HMCN1: variants seen among roughly 807,000 people sequenced by gnomAD.
The protein encoded by HMCN1 is hemicentin-1.
In HMCN1, 321 loss-of-function variants were observed where a neutral mutation model predicts 625.9. The observed-to-expected ratio is 0.51, with a 90% CI of 0.47 to 0.56. The LOEUF (loss-of-function observed/expected upper bound fraction) is 0.56. HMCN1 is among the 20% of genes least tolerant of loss of function. HMCN1 has a pLI of 0.00. For missense variants in HMCN1, 6,588 were observed against 6,887.3 expected (o/e 0.96, Z 1.54); for synonymous variants, 2,425 against 2,417.6 (o/e 1.00, Z -0.09).
intron 1 of HMCN1, among the ~76,000 whole-genome samples, chr1:185,765,752 G>A (rs902853979): frequency 2.0e-5 from 3 of 152,200 alleles, no homozygotes; most frequent in African/African-American, 7.2e-5. Context: ...AGCAGCATCA[G>A]CATTAACTGG....
intron 1 of HMCN1, among the ~76,000 whole-genome samples, chr1:185,799,311 G>T (rs1291777941): frequency 6.6e-6 from 1 of 152,208 alleles, no homozygotes; most frequent in Non-Finnish European, 1.5e-5. Flanking sequence ...TTTGTATGGA[G>T]TTGTGCAGGT....
intron 1 of HMCN1, among the ~76,000 whole-genome samples, chr1:185,801,008 GT>G (rs1242183582): frequency 2.0e-5 from 3 of 152,146 alleles, no homozygotes; most frequent in Non-Finnish European, 4.4e-5. Context: ...AAGATGAGAT[GT>G]TTTGGATACA....
chr1:185,746,919 T>C (rs1028762493), intron 1 of HMCN1, among the ~76,000 whole-genome samples: 2 of 152,052 alleles, frequency 1.3e-5, no homozygotes, highest in African/African-American at 4.8e-5. Context: ...ATTTTCCTTT[T>C]TCGTGAGGAC....
chr1:186,097,791 G>C (rs1434795711), intron 68 of HMCN1, among the ~76,000 whole-genome samples: 1 of 152,012 alleles, frequency 6.6e-6, no homozygotes, highest in Non-Finnish European at 1.5e-5. Flanking sequence ...CAGACTACCT[G>C]ACTTAAAAAT....
chr1:186,123,105 C>A lies in HMCN1; in HGVS notation c.12384C>A (p.Leu4128=). 1 of 1,614,112 alleles carries A rather than the reference C, an allele frequency of 6.2e-7. No individual in the cohort carries two copies. Among genetic ancestry groups the A allele is most frequent in the Non-Finnish European group, 8.5e-7 (1 of 1,179,998 alleles). The change falls in exon 81 of 107, where the codon CTC becomes CTA. Residue 4128 remains leucine (L), a synonymous_variant. Transcript: ENST00000271588. ...TGGAATCTATCCGCCAGCGCGTCCTCAGCTCTGGCTCTCTGCAAATAGCAT... is the reference window on the plus strand; with the variant it reads ...TGGAATCTATCCGCCAGCGCGTCCTAAGCTCTGGCTCTCTGCAAATAGCAT... ...AIVESIRQRV[L]SSGSLQIAFV...
At chr1:186,082,509 G>A (rs1366878820) in intron 56 of HMCN1, among the ~76,000 whole-genome samples, 3 of 152,258 alleles carry the variant, frequency 2.0e-5, no homozygotes, top group Non-Finnish European at 4.4e-5. Context: ...CTTCCGTCAC[G>A]CTCTGTTGAC....
At chr1:185,926,569 G>A (rs1571569162) in intron 9 of HMCN1, among the ~76,000 whole-genome samples, 1 of 152,128 alleles carries the variant, frequency 6.6e-6, no homozygotes, top group African/African-American at 2.4e-5. Context: ...ACAGTTCCTG[G>A]GAGGTAAGCC....
chr1:185,963,621 AAAT>A (rs1571626844), intron 12 of HMCN1, 144 bp from the exon 13 acceptor site: 1 of 629,878 alleles, frequency 1.6e-6, no homozygotes, highest in African/African-American at 1.8e-5. Context: ...TCTGCTTATA[AAAT>A]AATGATGGTA....
At chr1:185,741,051 T>TGGATTTTGTCTCTTGCTTCCTC (rs1653963986) in intron 1 of HMCN1, among the ~76,000 whole-genome samples, 1 of 152,046 alleles carries the variant, frequency 6.6e-6, no homozygotes, top group Non-Finnish European at 1.5e-5. Flanking sequence ...CTGGCTTCCT[T>TGGATTTTGTCTCTTGCTTCCTC]GGTTTTTGTC....
At chr1:186,058,538 T>C (rs1458115716) in intron 46 of HMCN1, among the ~76,000 whole-genome samples, 1 of 151,952 alleles carries the variant, frequency 6.6e-6, no homozygotes, top group Non-Finnish European at 1.5e-5. Context: ...TCTTGTGGTG[T>C]ATTTGGTATC....
intron 36 of HMCN1, among the ~76,000 whole-genome samples, chr1:186,026,890 C>T (rs1655092892): frequency 6.6e-6 from 1 of 152,134 alleles, no homozygotes; most frequent in African/African-American, 2.4e-5. Flanking sequence ...CGACCTCGGC[C>T]TCCCAAAGTG....
intron 72 of HMCN1, among the ~76,000 whole-genome samples, chr1:186,113,227 T>C (rs1027442305): frequency 1.2e-4 from 18 of 152,212 alleles, no homozygotes; most frequent in African/African-American, 4.3e-4. Flanking sequence ...ATCAGAACCA[T>C]TGAGGAAGTC....
intron 4 of HMCN1, among the ~76,000 whole-genome samples, chr1:185,879,471 T>C (rs1409804581): frequency 6.6e-6 from 1 of 152,172 alleles, no homozygotes; most frequent in Non-Finnish European, 1.5e-5. Context: ...CTTGCCTGAC[T>C]CATGTGATCT....
intron 11 of HMCN1, among the ~76,000 whole-genome samples, chr1:185,940,036 G>A (rs1437739673): frequency 2.0e-5 from 3 of 152,118 alleles, no homozygotes; most frequent in African/African-American, 7.2e-5. Flanking sequence ...AGGTTTATTT[G>A]TAGGCAGCTC....
chr1:185,734,801 C>CA lies in HMCN1; in HGVS notation c.23dup (p.His8GlnfsTer26). ...GAAAATGATTTCCTGGGAAGTTGTC[C>CA]ATACAGTATTCCTGTTTGCTCTTCT... On this transcript the variant is annotated frameshift_variant, in exon 1 of 107. Coordinates refer to ENST00000271588, the MANE Select transcript of HMCN1 (RefSeq NM_031935.3). LOFTEE classifies it high-confidence loss of function. 1 of 1,614,098 alleles carries CA rather than the reference C, an allele frequency of 6.2e-7. No homozygotes were observed. Among genetic ancestry groups the CA allele is most frequent in the Non-Finnish European group, 8.5e-7 (1 of 1,179,980 alleles).
chr1:186,147,561 A>C (rs1650396479), intron 93 of HMCN1, among the ~76,000 whole-genome samples: 1 of 152,188 alleles, frequency 6.6e-6, no homozygotes, highest in African/African-American at 2.4e-5. Context: ...CTGAGGCTGA[A>C]TGCAATTGTA....
intron 105 of HMCN1, among the ~76,000 whole-genome samples, chr1:186,186,829 G>A (rs1488489898): frequency 2.6e-5 from 4 of 152,052 alleles, no homozygotes; most frequent in Non-Finnish European, 4.4e-5. Flanking sequence ...GAAAACATTC[G>A]TGTATCACCA....
At chr1:185,863,040 C>A (rs2102352591) in intron 2 of HMCN1, among the ~76,000 whole-genome samples, 1 of 152,294 alleles carries the variant, frequency 6.6e-6, no homozygotes, top group Non-Finnish European at 1.5e-5. Flanking sequence ...CTGATTAGAT[C>A]TATGGTGTTC....
chr1:186,166,533 A>C (rs1275958477), intron 99 of HMCN1, among the ~76,000 whole-genome samples: 3 of 152,214 alleles, frequency 2.0e-5, no homozygotes, highest in Non-Finnish European at 4.4e-5. Flanking sequence ...ATCTCACTCA[A>C]GATCTCAGAA....
Sources: gnomAD v4.1 joint callset for allele counts (sites outside exome capture counted in the v4.1 genomes callset) on GRCh38, gnomAD v4.1.1 for gene constraint, MANE v1.5 for transcripts, NCBI Gene and HGNC (gene_info 2026-07-23, HGNC 2026-07-21) for gene names.